The following PSD4 variants were observed in gnomAD, a reference collection of about 807,000 sequenced individuals.
PSD4 encodes the protein pleckstrin and Sec7 domain containing 4.
A neutral mutation model predicts 112.5 loss-of-function variants in PSD4; 59 were observed. The observed-to-expected ratio is 0.52, with a 90% CI of 0.43 to 0.65. The LOEUF (loss-of-function observed/expected upper bound fraction) is 0.65. Ranked by LOEUF, PSD4 falls within the 30% of genes least tolerant of loss-of-function variation. The probability of loss-of-function intolerance (pLI) is 0.00; values close to 1 mark genes in which losing one functional copy is unlikely to be tolerated. For missense variants in PSD4, 1,267 were observed against 1,352.6 expected, an observed-to-expected ratio of 0.94 and a Z score of 0.99; for synonymous variants, 533 against 540.0, an observed-to-expected ratio of 0.99 and a Z score of 0.18.
rs551217653 is a variant in PSD4 at position 113,182,022 on chromosome 2, C to T, written c.-111-324C>T. Reference sequence around the variant, plus strand: ...CTTCAGTTCCTGCTGCCAACCACCTCGGTCTCCACACTCTCCAATCCAAAT... The same window carrying T: ...CTTCAGTTCCTGCTGCCAACCACCTTGGTCTCCACACTCTCCAATCCAAAT... On this transcript the variant is annotated intron_variant, in intron 1 of 16. Transcript: ENST00000245796. 6.0e-5 allele frequency among the ~76,000 whole-genome samples: 8 copies of T among 132,962 alleles called. No individual in the cohort carries two copies. The East Asian group carries it at 9.0e-4, about 15-fold the overall frequency. The allele number at this position is 132,962 out of a possible 152,430, so 87.2% of individuals were successfully genotyped here.
chr2:113,204,111 T>C lies in PSD4; in HGVS notation c.*2696T>C, dbSNP rs896904558. The C allele has an allele frequency of 6.6e-6, 1 of 152,356 alleles. No homozygotes were observed. The highest frequency in any genetic ancestry group is 1.5e-5 in the Non-Finnish European group (1 of 68,164). 9.4% of individuals were successfully genotyped at this position (152,356 alleles called of 1,614,324 possible). A position where few individuals can be genotyped will look rare whatever the true frequency, so the allele number is the denominator to read the frequency against. On this transcript the variant is annotated 3_prime_UTR_variant, in exon 17 of 17. Coordinates refer to ENST00000245796, the MANE Select transcript of PSD4 (RefSeq NM_012455.3). The stretch of plus-strand genomic sequence containing the variant: ...ACCACTTGGAGGCAGGCTTGCATCT[T>C]TCTAGCTTCTGGCTGCTCAGGTGTC...
Position 113,193,574 on chromosome 2 carries a change from T to C in PSD4, c.2033-18T>C. 1 of 1,609,962 alleles carries C rather than the reference T, an allele frequency of 6.2e-7. No individual in the cohort carries two copies. The highest frequency in any genetic ancestry group is 8.5e-7 in the Non-Finnish European group (1 of 1,176,178). On this transcript the variant is annotated intron_variant, in intron 8 of 16. Transcript: ENST00000245796. ...GGTTCCAATGAGCTTTCTCTCCACTTACCTATCTCTGGGGTAGATTCTGTA... is the reference window on the plus strand; with the variant it reads ...GGTTCCAATGAGCTTTCTCTCCACTCACCTATCTCTGGGGTAGATTCTGTA...
Position 113,198,772 on chromosome 2 carries a change from G to A in PSD4, c.2657G>A (p.Arg886His), listed in dbSNP as rs867957087. The change falls in exon 15 of 17, where the codon CGC becomes CAC. Residue 886 changes from arginine (R) to histidine (H), a missense_variant. Coordinates refer to ENST00000245796, the MANE Select transcript of PSD4 (RefSeq NM_012455.3). ...TAKEMSSWIA[R>H]INLAAATHSA... ...AAGGAGATGAGCTCCTGGATCGCGCGCATCAACTTGGCTGCGGCCACGCAC... is the reference window on the plus strand; with the variant it reads ...AAGGAGATGAGCTCCTGGATCGCGCACATCAACTTGGCTGCGGCCACGCAC... 1.3e-6 allele frequency: 2 copies of A among 1,580,780 alleles called. No individual in the cohort carries two copies. Among genetic ancestry groups the A allele is most frequent in the East Asian group, 2.3e-5 (1 of 43,902 alleles).
chr2:113,201,503 A>C lies in PSD4; in HGVS notation c.*88A>C. On this transcript the variant is annotated 3_prime_UTR_variant, in exon 17 of 17. Coordinates refer to ENST00000245796, the MANE Select transcript of PSD4 (RefSeq NM_012455.3). ...GGAGGAGACTTATTTCAATGAGTCCACCATGACGGATGAGGCACCTCCTTT... is the reference window on the plus strand; with the variant it reads ...GGAGGAGACTTATTTCAATGAGTCCCCCATGACGGATGAGGCACCTCCTTT... 6.6e-7 allele frequency: 1 copy of C among 1,508,846 alleles called. No homozygotes were observed. 93.5% of individuals were successfully genotyped at this position (1,508,846 alleles called of 1,614,324 possible).
Position 113,186,033 on chromosome 2 carries a change from G to A in PSD4, c.1406G>A (p.Ser469Asn), listed in dbSNP as rs1277283700. 1.2e-6 allele frequency: 2 copies of A among 1,614,264 alleles called. No individual in the cohort carries two copies. The highest frequency in any genetic ancestry group is 4.5e-5 in the East Asian group (2 of 44,894). ...AGCCCTGCATCGTCCCAGGAGGGCA[G>A]CCCGCAGCTTCAACACCACAGCTCA... is the stretch of plus-strand genomic sequence containing the variant. ...RPSPASSQEG[S>N]PQLQHHSSGI... Residue 469 changes from serine to asparagine, a missense_variant, in exon 5 of 17, where the codon AGC becomes AAC. Physicochemically the swap from Ser to Asn is conservative, Grantham distance 46. Around this residue, in one of 2 missense-constraint regions of PSD4, gnomAD observed 723 missense variants for 704.0 expected, o/e 1.03. Transcript: ENST00000245796.
chr2:113,175,071 C>T (rs1046012590), intron 1 of PSD4, among the ~76,000 whole-genome samples: 33 of 152,162 alleles, frequency 2.2e-4, no homozygotes, highest in African/African-American at 7.5e-4. Flanking sequence ...ACACAGGCTG[C>T]TGAGCTCTTT....
Position 113,197,904 on chromosome 2 carries a change from T to A in PSD4, c.2615T>A (p.Phe872Tyr). Residue 872 changes from phenylalanine (F) to tyrosine (Y), a missense_variant, in exon 14 of 17, where the codon TTC becomes TAC. Physicochemically the swap from Phe to Tyr is conservative, Grantham distance 22 (BLOSUM62 3). This residue lies in a region of PSD4 where 544 missense variants were observed against 648.6 expected (regional missense o/e 0.84). Transcript: ENST00000245796. ...ACGGCTGACTGGCGCCTCTACCTCT[T>A]CCAGGCACCGTAAGTCCCTGGGGTG... Reference protein sequence around the residue: ...LRTADWRLYLFQAPTAKEMSS... With the variant: ...LRTADWRLYLYQAPTAKEMSS... 1.3e-6 allele frequency: 2 copies of A among 1,582,904 alleles called. No individual in the cohort carries two copies. The highest frequency in any genetic ancestry group is 1.7e-6 in the Non-Finnish European group (2 of 1,159,670).
Position 113,186,130 on chromosome 2 carries a change from T to C in PSD4, c.1503T>C (p.Ser501=), listed in dbSNP as rs1422714457. ...TGGAGACGGATGGGGAACAGCCAAG[T>C]TCCTTGAAGAAAAAGGAGGCAGGGG... ...SLLETDGEQP[S]SLKKKEAGEA... Residue 501 remains serine, a synonymous_variant, in exon 5 of 17, where the codon AGT becomes AGC. Coordinates refer to ENST00000245796, the MANE Select transcript of PSD4 (RefSeq NM_012455.3). 5 of 1,614,018 alleles carry C rather than the reference T, an allele frequency of 3.1e-6. No individual in the cohort carries two copies. The highest frequency in any genetic ancestry group is 4.2e-6 in the Non-Finnish European group (5 of 1,180,034).
rs1431990121 is a variant in PSD4 at position 113,186,006 on chromosome 2, C to G, written c.1379C>G (p.Pro460Arg). The stretch of plus-strand genomic sequence containing the variant: ...GAGAGCAGAGGCCCTGGTCCCAGGC[C>G]CAGCCCTGCATCGTCCCAGGAGGGC... Reference protein sequence around the residue: ...ESESRGPGPRPSPASSQEGSP... With the variant: ...ESESRGPGPRRSPASSQEGSP... Residue 460 changes from proline (P) to arginine (R), a missense_variant, in exon 5 of 17, where the codon CCC becomes CGC. Pro to Arg is a moderately radical substitution (Grantham distance 103). Around this residue, in one of 2 missense-constraint regions of PSD4, gnomAD observed 723 missense variants for 704.0 expected, o/e 1.03. Transcript: ENST00000245796. 6.2e-7 allele frequency: 1 copy of G among 1,614,042 alleles called. No homozygotes were observed. Among genetic ancestry groups the G allele is most frequent in the Non-Finnish European group, 8.5e-7 (1 of 1,180,004 alleles).
intron 10 of PSD4, 38 bp from the exon 11 acceptor site, chr2:113,195,689 C>T (rs1688587428): frequency 1.2e-6 from 2 of 1,613,796 alleles, no homozygotes; most frequent in East Asian, 4.5e-5. Context: ...CTCCACAGCC[C>T]TGAGGCTCCC....
In PSD4 at chr2:113,207,390, T is replaced by C. The variant is rs1328085387; in HGVS notation, c.*5975T>C. ...GCCCTTTCCTCCAAGAGGCCTTCCC[T>C]AAGTCTTCCTCCTTCAGTTTCTATT... On this transcript the variant is annotated 3_prime_UTR_variant, in exon 17 of 17. Coordinates refer to ENST00000245796, the MANE Select transcript of PSD4 (RefSeq NM_012455.3). 2 of 151,604 alleles carry C rather than the reference T, an allele frequency of 1.3e-5. No individual in the cohort carries two copies. The highest frequency in any genetic ancestry group is 2.9e-5 in the Non-Finnish European group (2 of 67,960). The allele number at this position is 151,604 out of a possible 1,614,324, so 9.4% of individuals were successfully genotyped here. A position where few individuals can be genotyped will look rare whatever the true frequency, so the allele number is the denominator to read the frequency against.
chr2:113,178,061 T>C (rs1009382615), intron 1 of PSD4, among the ~76,000 whole-genome samples: 7 of 152,038 alleles, frequency 4.6e-5, no homozygotes, highest in African/African-American at 1.7e-4. Context: ...CTACTAAAAA[T>C]ACAAAACTTA....
chr2:113,201,355 C>G lies in PSD4; in HGVS notation c.3111C>G (p.Asn1037Lys). ...CCACCACGGCCAAGGTGAAGCGCAA[C>G]ATCTCAGAGCGCAGAACCTACCGGA... is the stretch of plus-strand genomic sequence containing the variant. ...EAPTTAKVKRNISERRTYRKI... is the reference protein window; with the variant it reads ...EAPTTAKVKRKISERRTYRKI... Residue 1037 changes from asparagine (N) to lysine (K), a missense_variant, in exon 17 of 17, where the codon AAC becomes AAG. Around this residue, in one of 2 missense-constraint regions of PSD4, gnomAD observed 544 missense variants for 648.6 expected, o/e 0.84. Coordinates refer to ENST00000245796, the MANE Select transcript of PSD4 (RefSeq NM_012455.3). The G allele has an allele frequency of 6.2e-7, 1 of 1,614,202 alleles. No individual in the cohort carries two copies. Among genetic ancestry groups the G allele is most frequent in the Non-Finnish European group, 8.5e-7 (1 of 1,180,038 alleles).
At chr2:113,191,360 C>T (rs1054236779) in intron 5 of PSD4, among the ~76,000 whole-genome samples, 4 of 152,164 alleles carry the variant, frequency 2.6e-5, no homozygotes, top group Non-Finnish European at 5.9e-5. Flanking sequence ...ACTGGAATTT[C>T]CGCCTCCTGG....
At chr2:113,182,226 G>A (rs1688155679) in intron 1 of PSD4, 120 bp from the exon 2 acceptor site, 1 of 520,306 alleles carries the variant, frequency 1.9e-6, no homozygotes, top group Non-Finnish European at 3.4e-6. Context: ...GTGGAGGGCA[G>A]TGCTAAGGAG....
chr2:113,206,133 C>G lies in PSD4; in HGVS notation c.*4718C>G, dbSNP rs963502743. 3.9e-5 allele frequency: 6 copies of G among 152,294 alleles called. No individual in the cohort carries two copies. The highest frequency in any genetic ancestry group is 9.6e-5 in the African/African-American group (4 of 41,454). The allele number at this position is 152,294 out of a possible 1,614,324, so 9.4% of individuals were successfully genotyped here. A position where few individuals can be genotyped will look rare whatever the true frequency, so the allele number is the denominator to read the frequency against. ...GGCTCTTTGAGCCTATTCTCTACCC[C>G]CTTCATTATCATGCCTTGCAAACAC... On this transcript the variant is annotated 3_prime_UTR_variant, in exon 17 of 17. Transcript: ENST00000245796.
chr2:113,201,606 TCCCCACCAC>T lies in PSD4; in HGVS notation c.*197_*205del. ...TGAAGCTTTCCTAATATTGCTGTGC[TCCCCACCAC>T]CCCCATGGCAGTCCCTCCGCAGCCC... On this transcript the variant is annotated 3_prime_UTR_variant, in exon 17 of 17. Transcript: ENST00000245796. 1.3e-6 allele frequency: 1 copy of T among 787,878 alleles called. No individual in the cohort carries two copies. The highest frequency in any genetic ancestry group is 1.8e-5 in the South Asian group (1 of 54,306). The allele number at this position is 787,878 out of a possible 1,614,324, so 48.8% of individuals were successfully genotyped here. A position where few individuals can be genotyped will look rare whatever the true frequency, so the allele number is the denominator to read the frequency against.
chr2:113,194,675 G>A (rs912751987), intron 10 of PSD4, among the ~76,000 whole-genome samples: 1 of 152,202 alleles, frequency 6.6e-6, no homozygotes, highest in Admixed American at 6.5e-5. Flanking sequence ...GCATGCTGCT[G>A]TACTTAATAC....
Position 113,197,770 on chromosome 2 carries a change from G to A in PSD4, c.2481G>A (p.Glu827=). 7 of 1,610,594 alleles carry A rather than the reference G, an allele frequency of 4.3e-6. No homozygotes were observed. In the South Asian group the frequency reaches 5.5e-5, roughly 13 times the overall value. The change falls in exon 14 of 17, where the codon GAG becomes GAA. Residue 827 remains glutamate, a synonymous_variant. Transcript: ENST00000245796. The stretch of plus-strand genomic sequence containing the variant: ...AGCAGGGAGAAGACCACTGTCTGGA[G>A]GGGGAGAGCTTGGTGGGGCAGATGG... The part of the protein sequence containing the change: ...FLKQGEDHCL[E]GESLVGQMVD...
Sources: gnomAD v4.1 joint callset for allele counts (sites outside exome capture counted in the v4.1 genomes callset) on GRCh38, gnomAD v4.1.1 for gene constraint, gnomAD v4.1.1 regional missense constraint, MANE v1.5 for transcripts, NCBI Gene and HGNC (gene_info 2026-07-23, HGNC 2026-07-21) for gene names.